The following RCL1 variants were observed in gnomAD, a reference collection of about 807,000 sequenced individuals.
RCL1 encodes the protein RNA 3'-terminal phosphate cyclase-like protein.
Under a neutral mutation model 42.4 loss-of-function variants are expected in RCL1, and 24 were observed. That is an observed-to-expected ratio of 0.57 (90% CI 0.41 to 0.80). The LOEUF is 0.80. Among genes scored for constraint, RCL1 ranks in the 30% least tolerant of loss-of-function variants. The pLI is 0.00. For synonymous variants in RCL1, 228 were observed against 177.3 expected, an observed-to-expected ratio of 1.29 and a Z score of -2.27; for missense variants, 578 against 467.9, an observed-to-expected ratio of 1.24 and a Z score of -2.17.
chr9:4,841,239 G>A lies in RCL1; in HGVS notation c.592G>A (p.Val198Ile), dbSNP rs116140322. 3.1e-6 allele frequency: 5 copies of A among 1,613,986 alleles called. No homozygotes were observed. In the Admixed American group the frequency reaches 5.0e-5, roughly 16 times the overall value. ...IKRIRGMAYS[V>I]RVSPQMANRI... is the part of the protein sequence containing the mutation. Reference sequence around the variant, plus strand: ...CTTAACTCCAGGCTGCAGGTACTCTGTACGTGTGTCACCTCAGATGGCGAA... The same window carrying A: ...CTTAACTCCAGGCTGCAGGTACTCTATACGTGTGTCACCTCAGATGGCGAA... Residue 198 changes from valine (V) to isoleucine (I), a missense_variant, in exon 6 of 9, where the codon GTA becomes ATA. Physicochemically the swap from Val to Ile is conservative, Grantham distance 29. Transcript: ENST00000381750.
chr9:4,825,915 A>G (rs976472335), intron 2 of RCL1, among the ~76,000 whole-genome samples: 3 of 151,602 alleles, frequency 2.0e-5, no homozygotes, highest in African/African-American at 7.3e-5. Context: ...TGGGCAATAT[A>G]GTGAGACCCT....
chr9:4,852,680 C>T (rs182487790), intron 8 of RCL1, among the ~76,000 whole-genome samples: 8 of 152,080 alleles, frequency 5.3e-5, no homozygotes, highest in African/African-American at 1.7e-4. Context: ...CTCCTGGCAA[C>T]GTGCCTGAGG....
intron 1 of RCL1, among the ~76,000 whole-genome samples, chr9:4,797,155 A>G (rs1389273203): frequency 6.6e-6 from 1 of 152,142 alleles, no homozygotes; most frequent in African/African-American, 2.4e-5. Flanking sequence ...CTGAGCCTCA[A>G]CTTTTTCACC....
chr9:4,817,294 C>A (rs1045213655), intron 1 of RCL1, among the ~76,000 whole-genome samples: 2 of 151,750 alleles, frequency 1.3e-5, no homozygotes, highest in Non-Finnish European at 2.9e-5. Flanking sequence ...ATCTTAATTC[C>A]AAATATATTG....
intron 7 of RCL1, among the ~76,000 whole-genome samples, chr9:4,849,087 A>AT (rs1270737176): frequency 1.5e-5 from 2 of 136,052 alleles, no homozygotes; most frequent in Non-Finnish European, 3.1e-5. Context: ...TCTAGAACTG[A>AT]TTAAGATTTT....
At chr9:4,834,299 TTTG>T in intron 5 of RCL1, 34 bp downstream of exon 5, 1 of 1,565,236 alleles carries the variant, frequency 6.4e-7, no homozygotes, top group Non-Finnish European at 8.7e-7. Context: ...TTCTTTTTTT[TTTG>T]TTGTTGTTGC....
chr9:4,812,396 A>T (rs1816211621), intron 1 of RCL1, among the ~76,000 whole-genome samples: 1 of 151,654 alleles, frequency 6.6e-6, no homozygotes, highest in Admixed American at 6.6e-5. Flanking sequence ...TCTTCTGCAT[A>T]TGGCTATAGT....
chr9:4,799,497 A>AT (rs759820074), intron 1 of RCL1, among the ~76,000 whole-genome samples: 106 of 152,158 alleles, frequency 7.0e-4, no homozygotes, highest in South Asian at 4.1e-4. Flanking sequence ...CATTTCTGTC[A>AT]CTCCAAGGAT....
chr9:4,843,102 G>T (rs1817390767), intron 6 of RCL1, among the ~76,000 whole-genome samples: 1 of 152,184 alleles, frequency 6.6e-6, no homozygotes, highest in Admixed American at 6.5e-5. Context: ...ACCAATGTGG[G>T]ATTTAAATTT....
chr9:4,843,513 T>A (rs868752516), intron 6 of RCL1, among the ~76,000 whole-genome samples: 22 of 152,224 alleles, frequency 1.4e-4, no homozygotes, highest in Admixed American at 3.9e-4. Flanking sequence ...ATAGGCCTGA[T>A]AACACATATT....
intron 1 of RCL1, among the ~76,000 whole-genome samples, chr9:4,821,007 T>TA (rs764771826): frequency 6.6e-6 from 1 of 152,226 alleles, no homozygotes; most frequent in Non-Finnish European, 1.5e-5. Flanking sequence ...TTAAATTAAC[T>TA]ATAAGATCCT....
chr9:4,828,505 A>G (rs1462282775), intron 3 of RCL1, among the ~76,000 whole-genome samples: 5 of 152,080 alleles, frequency 3.3e-5, no homozygotes, highest in Non-Finnish European at 7.4e-5. Context: ...CTTAAGCTGT[A>G]AAGGAATGTT....
At chr9:4,848,598 T>G (rs1032371374) in intron 7 of RCL1, among the ~76,000 whole-genome samples, 7 of 152,244 alleles carry the variant, frequency 4.6e-5, no homozygotes, top group African/African-American at 1.7e-4. Flanking sequence ...CATCCTTCTT[T>G]GACTATGTAC....
chr9:4,802,034 G>C (rs1049637908), intron 1 of RCL1, among the ~76,000 whole-genome samples: 1 of 149,874 alleles, frequency 6.7e-6, no homozygotes, highest in East Asian at 2.0e-4. Context: ...TCAGTCTCCC[G>C]AGCATCTGGG....
chr9:4,812,146 A>G (rs200209314), intron 1 of RCL1, among the ~76,000 whole-genome samples: 321 of 152,262 alleles, frequency 2.1e-3, no homozygotes, highest in Non-Finnish European at 3.7e-3. Flanking sequence ...CTTCACTCCA[A>G]TGGTTTCCTT....
At chr9:4,833,569 T>C (rs1245611017) in intron 4 of RCL1, among the ~76,000 whole-genome samples, 2 of 152,238 alleles carry the variant, frequency 1.3e-5, no homozygotes, top group East Asian at 1.9e-4. Context: ...GGCTCTCTGA[T>C]CTAAATGATC....
chr9:4,837,764 C>G (rs1391611143), intron 5 of RCL1, among the ~76,000 whole-genome samples: 1 of 152,200 alleles, frequency 6.6e-6, no homozygotes, highest in Non-Finnish European at 1.5e-5. Flanking sequence ...TGGCTTCTCC[C>G]TCTAATGTTC....
At chr9:4,811,260 G>C (rs188467120) in intron 1 of RCL1, among the ~76,000 whole-genome samples, 1 of 146,168 alleles carries the variant, frequency 6.8e-6, no homozygotes, top group Admixed American at 7.0e-5. Flanking sequence ...GGGCAATAGA[G>C]CAAAACCCTG....
chr9:4,832,877 T>G (rs1816991723), intron 3 of RCL1, among the ~76,000 whole-genome samples: 1 of 151,536 alleles, frequency 6.6e-6, no homozygotes, highest in African/African-American at 2.4e-5. Context: ...CTCTCCATGC[T>G]TTTTGCATGA....
Sources: gnomAD v4.1 joint callset for allele counts (sites outside exome capture counted in the v4.1 genomes callset) on GRCh38, gnomAD v4.1.1 for gene constraint, MANE v1.5 for transcripts, NCBI Gene and HGNC (gene_info 2026-07-23, HGNC 2026-07-21) for gene names.